MPP7: variants seen among roughly 807,000 people sequenced by gnomAD.
The protein encoded by MPP7 is MAGUK p55 scaffold protein 7, also known as MAGUK p55 subfamily member 7.
MPP7 carries 60 observed loss-of-function variants against 76.5 expected under a neutral mutation model. The ratio of observed to expected loss-of-function variants is 0.78; its 90% CI spans 0.64 to 0.97. The LOEUF is 0.97. Ranked by LOEUF, MPP7 falls within the 50% of genes least tolerant of loss-of-function variation. The pLI is 0.00. For synonymous variants in MPP7, 237 were observed against 244.5 expected (o/e 0.97, Z 0.29); for missense variants, 641 against 694.0 (o/e 0.92, Z 0.86).
intron 1 of MPP7, among the ~76,000 whole-genome samples, chr10:28,244,035 T>C (rs1024798609): frequency 2.0e-5 from 3 of 152,154 alleles, no homozygotes; most frequent in Admixed American, 6.6e-5. Flanking sequence ...TGGCAAACAT[T>C]CTCTGTAAAG....
At chr10:28,252,591 A>G (rs1839648721) in intron 1 of MPP7, among the ~76,000 whole-genome samples, 1 of 152,176 alleles carries the variant, frequency 6.6e-6, no homozygotes, top group Non-Finnish European at 1.5e-5. Context: ...CGTTTTCTAG[A>G]TACTCTCACT....
chr10:28,137,865 C>T (rs1342796808), intron 5 of MPP7, among the ~76,000 whole-genome samples: 2 of 152,182 alleles, frequency 1.3e-5, no homozygotes, highest in Non-Finnish European at 2.9e-5. Context: ...ATCAGACTCA[C>T]AAGCACTCAC....
intron 11 of MPP7, among the ~76,000 whole-genome samples, chr10:28,093,005 C>G (rs1853393623): frequency 6.6e-6 from 1 of 152,042 alleles, no homozygotes; most frequent in South Asian, 2.1e-4. Flanking sequence ...TTAGTTATCC[C>G]AAACCAACCC....
chr10:28,060,803 C>T (rs924975896), intron 13 of MPP7, among the ~76,000 whole-genome samples: 7 of 152,218 alleles, frequency 4.6e-5, no homozygotes, highest in Non-Finnish European at 1.0e-4. Context: ...CTCTGTGCTA[C>T]ACACATGTAG....
rs35373968 is a variant in MPP7, at chr10:28,192,086, T to TA, written c.156+10066dup. On this transcript the variant is annotated intron_variant, in intron 3 of 16. Coordinates refer to ENST00000683449, the MANE Select transcript of MPP7 (RefSeq NM_001318170.2). ...GGGTGACAAAGTAAGACTCTGCCTT[T>TA]AAAAAAAAAAAAATCAGTACCCATT... is the stretch of plus-strand genomic sequence containing the variant. Among the ~76,000 whole-genome samples the TA allele has an allele frequency of 1.7e-3, 251 of 145,338 alleles. 2 individuals carry two copies. Among genetic ancestry groups the TA allele is most frequent in the South Asian group, 4.4e-3 (20 of 4,594 alleles).
chr10:28,217,832 CTT>C, intron 2 of MPP7, among the ~76,000 whole-genome samples: 1 of 152,292 alleles, frequency 6.6e-6, no homozygotes, highest in East Asian at 1.9e-4. Flanking sequence ...AGAGAACCGT[CTT>C]TTCATCAGGA....
At chr10:28,124,950 G>A in intron 7 of MPP7, 60 bp downstream of exon 7, 3 of 1,373,440 alleles carry the variant, frequency 2.2e-6, no homozygotes, top group South Asian at 1.2e-5. Context: ...GTTATCTACT[G>A]GAAATGCTAC....
chr10:28,090,674 C>T (rs1027036767), intron 11 of MPP7, among the ~76,000 whole-genome samples: 7 of 152,176 alleles, frequency 4.6e-5, no homozygotes, highest in Non-Finnish European at 8.8e-5. Context: ...TGTAGTGTAG[C>T]GTGTGCTTAT....
At chr10:28,315,127 G>A (rs1834304315) in intron 2 of MPP7, among the ~76,000 whole-genome samples, 1 of 151,464 alleles carries the variant, frequency 6.6e-6, no homozygotes, top group Non-Finnish European at 1.5e-5. Flanking sequence ...CAGCCTGGGT[G>A]ACAGCCTGGA....
intron 1 of MPP7, among the ~76,000 whole-genome samples, chr10:28,252,323 G>A (rs954814565): frequency 4.6e-5 from 7 of 152,138 alleles, no homozygotes; most frequent in African/African-American, 1.4e-4. Flanking sequence ...GGTAAACGGC[G>A]ACATGTCACA....
intron 3 of MPP7, among the ~76,000 whole-genome samples, chr10:28,193,864 T>C (rs1837492586): frequency 8.0e-6 from 1 of 124,696 alleles, no homozygotes; most frequent in Non-Finnish European, 1.6e-5. Flanking sequence ...ATACACCAAC[T>C]AGAATGGCTA....
intron 11 of MPP7, among the ~76,000 whole-genome samples, chr10:28,113,433 AC>A (rs1351610369): frequency 6.6e-6 from 1 of 152,110 alleles, no homozygotes; most frequent in African/African-American, 2.4e-5. Flanking sequence ...TGCCCAGCAC[AC>A]CTGAATCTAC....
At chr10:28,238,149 G>T (rs1053306023) in intron 2 of MPP7, among the ~76,000 whole-genome samples, 1 of 151,602 alleles carries the variant, frequency 6.6e-6, no homozygotes, top group Admixed American at 6.6e-5. Flanking sequence ...ATTGGGGTAA[G>T]GATAATGTTT....
At chr10:28,269,160 T>C (rs944402751) in intron 1 of MPP7, among the ~76,000 whole-genome samples, 1 of 152,188 alleles carries the variant, frequency 6.6e-6, no homozygotes, top group African/African-American at 2.4e-5. Flanking sequence ...ACCCTGCTCA[T>C]CTGATTGATG....
intron 5 of MPP7, among the ~76,000 whole-genome samples, chr10:28,138,137 C>T (rs1479209943): frequency 6.6e-6 from 1 of 152,178 alleles, no homozygotes; most frequent in Non-Finnish European, 1.5e-5. Flanking sequence ...ACCAAATTTT[C>T]CATGACTGCC....
intron 2 of MPP7, among the ~76,000 whole-genome samples, chr10:28,219,375 A>C (rs1838419277): frequency 6.6e-6 from 1 of 152,194 alleles, no homozygotes; most frequent in Admixed American, 6.5e-5. Flanking sequence ...AATTTGATGA[A>C]AGTGTTCCCG....
chr10:28,056,257 T>C (rs1039524901), intron 16 of MPP7, among the ~76,000 whole-genome samples: 1 of 151,972 alleles, frequency 6.6e-6, no homozygotes, highest in Non-Finnish European at 1.5e-5. Flanking sequence ...TCCTGGGGTC[T>C]TATGATCTTC....
intron 12 of MPP7, among the ~76,000 whole-genome samples, chr10:28,072,866 T>C (rs993193855): frequency 6.6e-6 from 1 of 152,178 alleles, no homozygotes; most frequent in Admixed American, 6.5e-5. Context: ...ACATTTCACT[T>C]CTATGATTTT....
chr10:28,179,118 GATAA>G (rs1373561062), intron 3 of MPP7, among the ~76,000 whole-genome samples: 1 of 152,124 alleles, frequency 6.6e-6, no homozygotes, highest in Non-Finnish European at 1.5e-5. Flanking sequence ...CTGGGGTGCA[GATAA>G]AGAACTCCTT....
Sources: gnomAD v4.1 joint callset for allele counts (sites outside exome capture counted in the v4.1 genomes callset) on GRCh38, gnomAD v4.1.1 for gene constraint, MANE v1.5 for transcripts, NCBI Gene and HGNC (gene_info 2026-07-23, HGNC 2026-07-21) for gene names.